The following DNAH9 variants were observed in gnomAD, a reference collection of about 807,000 sequenced individuals.
DNAH9 encodes the protein dynein axonemal heavy chain 9, also known as DNAH9 variant protein.
DNAH9 carries 345 observed loss-of-function variants against 471.6 expected under a neutral mutation model. The ratio of observed to expected loss-of-function variants is 0.73; its 90% CI spans 0.67 to 0.80. DNAH9 has a LOEUF of 0.80. Among genes scored for constraint, DNAH9 ranks in the 30% least tolerant of loss-of-function variants. The probability of loss-of-function intolerance (pLI) is 0.00; values close to 1 mark genes in which losing one functional copy is unlikely to be tolerated. For missense variants in DNAH9, 5,407 were observed against 5,609.2 expected, an observed-to-expected ratio of 0.96 and a Z score of 1.15; for synonymous variants, 2,093 against 2,123.6, an observed-to-expected ratio of 0.99 and a Z score of 0.40.
In DNAH9 at chr17:11,784,429, C is replaced by T. The variant is rs761200913; in HGVS notation, c.7951C>T (p.Leu2651=). 12 of 1,614,120 alleles carry T rather than the reference C, an allele frequency of 7.4e-6. No individual in the cohort carries two copies. Among genetic ancestry groups the T allele is most frequent in the Admixed American group, 5.0e-5 (3 of 60,012 alleles). Reference sequence around the variant, plus strand: ...GTCCCTGCAGAAATCCATCCCCCCACTGATCGATCTGGCCCTCGCCTTCCA... The same window carrying T: ...GTCCCTGCAGAAATCCATCCCCCCATTGATCGATCTGGCCCTCGCCTTCCA... The part of the protein sequence containing the change: ...PASLQKSIPP[L]IDLALAFHQK... The change falls in exon 41 of 69, where the codon CTG becomes TTG. Residue 2651 remains leucine, a synonymous_variant. Coordinates refer to ENST00000262442, the MANE Select transcript of DNAH9 (RefSeq NM_001372.4).
intron 9 of DNAH9, among the ~76,000 whole-genome samples, chr17:11,638,635 T>A (rs1237348324): frequency 6.6e-6 from 1 of 152,162 alleles, no homozygotes; most frequent in Non-Finnish European, 1.5e-5. Context: ...TCTGCCTGCC[T>A]CAGCCTCCCA....
chr17:11,628,740 T>A (rs2073012947), intron 6 of DNAH9, among the ~76,000 whole-genome samples: 2 of 152,244 alleles, frequency 1.3e-5, no homozygotes, highest in African/African-American at 2.4e-5. Flanking sequence ...CCATTTGAAA[T>A]GAGCTATTTT....
chr17:11,923,555 C>T (rs536844671), intron 61 of DNAH9, among the ~76,000 whole-genome samples: 4 of 151,988 alleles, frequency 2.6e-5, no homozygotes, highest in Non-Finnish European at 5.9e-5. Context: ...TGGTGATCCG[C>T]TCGCCTCGGC....
At chr17:11,748,076 G>T (rs1327592961) in intron 32 of DNAH9, among the ~76,000 whole-genome samples, 1 of 150,400 alleles carries the variant, frequency 6.6e-6, no homozygotes, top group East Asian at 2.0e-4. Context: ...AAGCGGAGGT[G>T]GGTGGATCAC....
chr17:11,968,138 G>A (rs2151459085), intron 68 of DNAH9, among the ~76,000 whole-genome samples: 1 of 152,166 alleles, frequency 6.6e-6, no homozygotes, highest in African/African-American at 2.4e-5. Flanking sequence ...GTACAACTTT[G>A]TCAACACACC....
intron 53 of DNAH9, among the ~76,000 whole-genome samples, chr17:11,876,793 C>T (rs955882540): frequency 6.6e-5 from 10 of 152,126 alleles, no homozygotes; most frequent in Non-Finnish European, 1.3e-4. Flanking sequence ...GATCTCAGCT[C>T]ACTGCAACTT....
intron 2 of DNAH9, among the ~76,000 whole-genome samples, chr17:11,609,209 C>G: frequency 6.6e-6 from 1 of 152,170 alleles, no homozygotes. Context: ...AGATTATATG[C>G]GTGCAATGCA....
rs764103669 is a variant in DNAH9 at position 11,689,870 on chromosome 17, G to T, written c.4048G>T (p.Val1350Phe). 3.7e-6 allele frequency: 6 copies of T among 1,609,626 alleles called. No individual in the cohort carries two copies. The highest frequency in any genetic ancestry group is 1.7e-4 in the Middle Eastern group (1 of 6,060). The change falls in exon 20 of 69, where the codon GTC becomes TTC. Residue 1350 changes from valine (V) to phenylalanine (F), a missense_variant. By Grantham distance (50) the Val-to-Phe change is conservative. Around this residue, in one of 3 missense-constraint regions of DNAH9, gnomAD observed 4,636 missense variants for 4,900.3 expected, o/e 0.95. Transcript: ENST00000262442. ...ARHIRNLDKE[V>F]RAWDAFTGLE... is the part of the protein sequence containing the mutation. ...GCATATCCGAAACCTGGACAAGGAG[G>T]TCAGGGCCTGGGATGCATTCACAGG...
intron 41 of DNAH9, among the ~76,000 whole-genome samples, chr17:11,784,980 C>T (rs915645613): frequency 2.0e-5 from 3 of 152,160 alleles, no homozygotes; most frequent in Non-Finnish European, 4.4e-5. Flanking sequence ...CAAAAAACCA[C>T]ATTGTCATAC....
intron 6 of DNAH9, among the ~76,000 whole-genome samples, chr17:11,622,313 C>G (rs916342380): frequency 1.3e-5 from 2 of 152,190 alleles, no homozygotes; most frequent in African/African-American, 4.8e-5. Flanking sequence ...AACCCTTCAT[C>G]AGGATCACAG....
At chr17:11,743,854 G>A (rs1237152815) in intron 30 of DNAH9, among the ~76,000 whole-genome samples, 1 of 150,094 alleles carries the variant, frequency 6.7e-6, no homozygotes, top group African/African-American at 2.5e-5. Context: ...TTTTGAGATG[G>A]AGTCTCCCTC....
intron 50 of DNAH9, among the ~76,000 whole-genome samples, chr17:11,854,937 A>G (rs1181569791): frequency 6.6e-6 from 1 of 152,242 alleles, no homozygotes; most frequent in African/African-American, 2.4e-5. Flanking sequence ...TAGCTTTTAT[A>G]AACTCATGTA....
chr17:11,698,834 ACTC>A (rs1012763188), intron 22 of DNAH9, among the ~76,000 whole-genome samples: 14 of 151,650 alleles, frequency 9.2e-5, no homozygotes, highest in Non-Finnish European at 8.8e-5. Context: ...GAGGACCTCT[ACTC>A]CTCAGATGCC....
intron 43 of DNAH9, among the ~76,000 whole-genome samples, chr17:11,802,497 T>TGGC (rs1188984310): frequency 6.6e-6 from 1 of 152,048 alleles, no homozygotes; most frequent in Non-Finnish European, 1.5e-5. Flanking sequence ...CCAGGCATGG[T>TGGC]GGCAGACACC....
intron 1 of DNAH9, among the ~76,000 whole-genome samples, chr17:11,599,885 A>C (rs2072348601): frequency 6.6e-6 from 1 of 152,210 alleles, no homozygotes; most frequent in Non-Finnish European, 1.5e-5. Context: ...CAAGGAGCTG[A>C]AACGTATGTA....
chr17:11,877,473 T>TTAAAA (rs1428692448), intron 53 of DNAH9, among the ~76,000 whole-genome samples: 3 of 68,612 alleles, frequency 4.4e-5, no homozygotes, highest in African/African-American at 2.1e-4. Context: ...AAACTCTGTC[T>TTAAAA]AAAAAAAAAA....
chr17:11,918,044 C>A (rs1974011197), intron 61 of DNAH9, among the ~76,000 whole-genome samples: 1 of 152,158 alleles, frequency 6.6e-6, no homozygotes, highest in African/African-American at 2.4e-5. Flanking sequence ...GTCTCCTTTT[C>A]TCTCCAACGT....
At chr17:11,743,459 T>G (rs922358629) in intron 30 of DNAH9, among the ~76,000 whole-genome samples, 2 of 152,066 alleles carry the variant, frequency 1.3e-5, no homozygotes, top group Non-Finnish European at 2.9e-5. Context: ...CTTGCTAGAG[T>G]GATTATTTAA....
At position 11,803,643 on chromosome 17, in the gene DNAH9, C is replaced by T. The variant is rs1027203864; in HGVS notation, c.8421-4089C>T. Among the ~76,000 whole-genome samples the T allele has an allele frequency of 1.6e-4, 24 of 152,324 alleles. 1 individual carries two copies. Among genetic ancestry groups the T allele is most frequent in the Admixed American group, 1.2e-3 (19 of 15,304 alleles). ...TGGTAATGAATCCCCAGCTGGAGTC[C>T]GGTGCTGACGGTTGCAGACTTAACC... On this transcript the variant is annotated intron_variant, in intron 43 of 68. Coordinates refer to ENST00000262442, the MANE Select transcript of DNAH9 (RefSeq NM_001372.4).
Sources: gnomAD v4.1 joint callset for allele counts (sites outside exome capture counted in the v4.1 genomes callset) on GRCh38, gnomAD v4.1.1 for gene constraint, gnomAD v4.1.1 regional missense constraint, MANE v1.5 for transcripts, NCBI Gene and HGNC (gene_info 2026-07-23, HGNC 2026-07-21) for gene names.